GAN: variants seen among roughly 807,000 people sequenced by gnomAD.
The protein encoded by GAN is epididymis secretory sperm binding protein.
GAN carries 48 observed loss-of-function variants against 71.3 expected under a neutral mutation model. That is an observed-to-expected ratio of 0.67 (90% CI 0.53 to 0.86). The LOEUF is 0.86. Ranked by LOEUF, GAN falls within the 40% of genes least tolerant of loss-of-function variation. GAN has a pLI of 0.00. For synonymous variants in GAN, 386 were observed against 276.8 expected, an observed-to-expected ratio of 1.39 and a Z score of -3.92; for missense variants, 928 against 770.1, an observed-to-expected ratio of 1.21 and a Z score of -2.43.
chr16:81,316,142 G>A (rs148263518), intron 1 of GAN, among the ~76,000 whole-genome samples: 1 of 152,300 alleles, frequency 6.6e-6, no homozygotes, highest in East Asian at 1.9e-4. Flanking sequence ...GATCTTGCAG[G>A]AGACTATCTT....
intron 9 of GAN, among the ~76,000 whole-genome samples, chr16:81,375,179 A>C (rs1354084798): frequency 6.6e-6 from 1 of 152,120 alleles, no homozygotes; most frequent in Non-Finnish European, 1.5e-5. Context: ...GGCCACCTAC[A>C]TGCTGGGAAA....
intron 9 of GAN, among the ~76,000 whole-genome samples, chr16:81,370,833 T>C (rs569314245): frequency 4.6e-5 from 7 of 152,386 alleles, no homozygotes; most frequent in African/African-American, 1.7e-4. Flanking sequence ...TTCCATCCTT[T>C]TACTTACTTT....
chr16:81,364,884 CTT>C (rs1472013762), intron 7 of GAN, 88 bp from the exon 8 acceptor site: 1 of 1,301,086 alleles, frequency 7.7e-7, no homozygotes, highest in African/African-American at 1.5e-5. Context: ...TCCTAAATCT[CTT>C]TAAGTATGGC....
At chr16:81,333,524 A>G (rs926167275) in intron 1 of GAN, among the ~76,000 whole-genome samples, 1 of 152,184 alleles carries the variant, frequency 6.6e-6, no homozygotes, top group Non-Finnish European at 1.5e-5. Context: ...GCCTGGGGGG[A>G]AAAGGATTTA....
intron 8 of GAN, 85 bp from the exon 9 acceptor site, chr16:81,365,265 G>C (rs1320605730): frequency 1.3e-6 from 2 of 1,581,140 alleles, no homozygotes; most frequent in Middle Eastern, 2.1e-4. Flanking sequence ...TAATGCTGCA[G>C]AGTTAAACCA....
intron 1 of GAN, among the ~76,000 whole-genome samples, chr16:81,327,691 G>A (rs1275548078): frequency 6.6e-6 from 1 of 152,196 alleles, no homozygotes; most frequent in East Asian, 1.9e-4. Flanking sequence ...TGCTTCTGAA[G>A]TATGGAGCTC....
chr16:81,347,071 A>G (rs918559853), intron 1 of GAN, among the ~76,000 whole-genome samples: 2 of 152,226 alleles, frequency 1.3e-5, no homozygotes, highest in African/African-American at 4.8e-5. Flanking sequence ...TCTGCTGCCA[A>G]AAAGATTATA....
Position 81,379,103 on chromosome 16 carries a change from A to C in GAN, c.*1507A>C, listed in dbSNP as rs1007252688. 6.6e-6 allele frequency: 1 copy of C among 152,140 alleles called. No homozygotes were observed. Among genetic ancestry groups the C allele is most frequent in the Admixed American group, 6.5e-5 (1 of 15,272 alleles). 9.4% of individuals were successfully genotyped at this position (152,140 alleles called of 1,614,324 possible). ...AGCATTTTGTCTTATTAACACATGTATAAAGGTATCCTTTGGTTTTAAGTC... is the reference window on the plus strand; with the variant it reads ...AGCATTTTGTCTTATTAACACATGTCTAAAGGTATCCTTTGGTTTTAAGTC... On this transcript the variant is annotated 3_prime_UTR_variant, in exon 11 of 11. Coordinates refer to ENST00000648994, the MANE Select transcript of GAN (RefSeq NM_022041.4).
At chr16:81,365,863 A>C (rs531129545) in intron 9 of GAN, among the ~76,000 whole-genome samples, 1 of 152,044 alleles carries the variant, frequency 6.6e-6, no homozygotes, top group Admixed American at 6.6e-5. Context: ...TGCCTGGGCC[A>C]CATAACAAGA....
intron 9 of GAN, among the ~76,000 whole-genome samples, chr16:81,369,150 G>A (rs1489407239): frequency 6.6e-6 from 1 of 152,158 alleles, no homozygotes. Flanking sequence ...GTTGAGATCT[G>A]TCAGTTTCCT....
chr16:81,318,839 A>G (rs1021739222), intron 1 of GAN, among the ~76,000 whole-genome samples: 2 of 152,188 alleles, frequency 1.3e-5, no homozygotes, highest in Non-Finnish European at 2.9e-5. Context: ...ATGTAGAGAG[A>G]GCACGTGTCA....
At chr16:81,366,535 G>A (rs1910862705) in intron 9 of GAN, among the ~76,000 whole-genome samples, 1 of 152,226 alleles carries the variant, frequency 6.6e-6, no homozygotes, top group African/African-American at 2.4e-5. Context: ...CCAGAAGAGG[G>A]TGCCATAACA....
At chr16:81,338,567 T>C (rs1319469576) in intron 1 of GAN, among the ~76,000 whole-genome samples, 1 of 152,162 alleles carries the variant, frequency 6.6e-6, no homozygotes, top group Non-Finnish European at 1.5e-5. Flanking sequence ...TTTTGGTAGG[T>C]ATTAGAAAAA....
At chr16:81,372,744 C>T (rs538385423) in intron 9 of GAN, among the ~76,000 whole-genome samples, 4 of 152,084 alleles carry the variant, frequency 2.6e-5, no homozygotes, top group South Asian at 2.1e-4. Context: ...ACTTAAATGC[C>T]GAGATGTAGT....
At position 81,377,616 on chromosome 16, in the gene GAN, G is replaced by A. The variant is rs375502140; in HGVS notation, c.*20G>A. On this transcript the variant is annotated 3_prime_UTR_variant, in exon 11 of 11. Transcript: ENST00000648994. ...CCTTGAGGAGGAAGCAGAGCAGAGT[G>A]CGAGATCCTGACCCAAGAGCACCAT... 112 of 1,608,456 alleles carry A rather than the reference G, an allele frequency of 7.0e-5. No homozygotes were observed. Among genetic ancestry groups the A allele is most frequent in the Middle Eastern group, 1.7e-4 (1 of 5,836 alleles).
chr16:81,320,910 C>CT (rs1013580337), intron 1 of GAN, among the ~76,000 whole-genome samples: 322 of 148,132 alleles, frequency 2.2e-3, no homozygotes, highest in African/African-American at 7.0e-3. Flanking sequence ...TTTTCCTTTT[C>CT]TTTTTTTTTT....
In GAN at chr16:81,359,860, T is replaced by G. The variant is rs117346547; in HGVS notation, c.973+1929T>G. On this transcript the variant is annotated intron_variant, in intron 5 of 10. Transcript: ENST00000648994. ...AAACGACGATAACAATATACTGTAA[T>G]AGTTATGTGAATGTGGTCTCTCTCA... 1.6e-3 allele frequency among the ~76,000 whole-genome samples: 251 copies of G among 152,368 alleles called. 5 individuals are homozygous for G. In the East Asian group the frequency reaches 0.045, roughly 27 times the overall value.
intron 2 of GAN, among the ~76,000 whole-genome samples, chr16:81,354,021 G>T (rs1414202459): frequency 1.3e-5 from 2 of 152,172 alleles, no homozygotes; most frequent in Non-Finnish European, 2.9e-5. Context: ...CATCAGTTCT[G>T]ATGCTGGTAC....
At chr16:81,369,610 G>T in intron 9 of GAN, among the ~76,000 whole-genome samples, 1 of 151,390 alleles carries the variant, frequency 6.6e-6, no homozygotes, top group Non-Finnish European at 1.5e-5. Flanking sequence ...GCTTTTTTTT[G>T]AGACGGAGTC....
Sources: allele counts gnomAD v4.1 joint callset (sites outside exome capture counted in the v4.1 genomes callset), GRCh38; gene constraint gnomAD v4.1.1; transcripts MANE v1.5; gene names NCBI Gene and HGNC (gene_info 2026-07-23, HGNC 2026-07-21).